CIT: variants seen among roughly 807,000 people sequenced by gnomAD.
CIT encodes the protein citron rho-interacting serine/threonine kinase.
Under a neutral mutation model 272.7 loss-of-function variants are expected in CIT, and 79 were observed. The ratio of observed to expected loss-of-function variants is 0.29; its 90% CI spans 0.24 to 0.35. The LOEUF (loss-of-function observed/expected upper bound fraction) is 0.35, where lower values mean the gene tolerates loss of function less well. Ranked by LOEUF, CIT falls within the 10% of genes least tolerant of loss-of-function variation. The probability of loss-of-function intolerance (pLI) is 1.00; values close to 1 mark genes in which losing one functional copy is unlikely to be tolerated. For missense variants in CIT, 1,909 were observed against 2,618.3 expected (o/e 0.73, Z 5.91); for synonymous variants, 948 against 995.6 (o/e 0.95, Z 0.90).
chr12:119,802,190 C>T (rs769616487), intron 10 of CIT, among the ~76,000 whole-genome samples: 5 of 152,252 alleles, frequency 3.3e-5, no homozygotes, highest in African/African-American at 4.8e-5. Context: ...ACTAACCCAA[C>T]ATTACCCTCT....
chr12:119,733,028 C>T (rs57258814), intron 26 of CIT, among the ~76,000 whole-genome samples: 1,975 of 152,276 alleles, frequency 0.013, 35 homozygotes, highest in African/African-American at 0.045. Context: ...CTGCCATGAG[C>T]TGTGTAAAAC....
chr12:119,746,517 G>A (rs540730389), intron 23 of CIT, among the ~76,000 whole-genome samples: 2 of 152,300 alleles, frequency 1.3e-5, no homozygotes, highest in South Asian at 4.1e-4. Context: ...CATAAGTGGT[G>A]ACCATAAAAA....
In CIT at chr12:119,709,341, C is replaced by T. The variant is rs189909157; in HGVS notation, c.5071+910G>A. Among the ~76,000 whole-genome samples, 17 of 150,994 alleles carry T rather than the reference C, an allele frequency of 1.1e-4. No individual in the cohort carries two copies. The East Asian group carries it at 2.9e-3, about 26-fold the overall frequency. ...GTCAATGTAGGTTCACTGACTCTAACGAACGTATCACTCTGGTGGGGGATG... is the reference window on the plus strand; with the variant it reads ...GTCAATGTAGGTTCACTGACTCTAATGAACGTATCACTCTGGTGGGGGATG... On this transcript the variant is annotated intron_variant, in intron 39 of 47. Coordinates refer to ENST00000392521, the MANE Select transcript of CIT (RefSeq NM_001206999.2).
intron 3 of CIT, among the ~76,000 whole-genome samples, chr12:119,864,337 G>A (rs1373304935): frequency 1.3e-5 from 2 of 151,814 alleles, no homozygotes; most frequent in African/African-American, 4.8e-5. Context: ...TTTGAAGGGG[G>A]TGTTGTTTTG....
At chr12:119,851,815 C>T (rs1004940385) in intron 4 of CIT, among the ~76,000 whole-genome samples, 164 of 152,092 alleles carry the variant, frequency 1.1e-3, no homozygotes, top group African/African-American at 3.9e-3. Context: ...GGCCGGAAGA[C>T]TGCTTGAGGC....
chr12:119,875,384 T>C (rs1033482804), intron 2 of CIT, among the ~76,000 whole-genome samples: 11 of 152,226 alleles, frequency 7.2e-5, no homozygotes, highest in Admixed American at 6.5e-4. Context: ...ATCTCCCTTC[T>C]AAGGCAAGTT....
Position 119,712,811 on chromosome 12 carries a change from A to C in CIT, c.4580-116T>G, listed in dbSNP as rs1169385592. 3 of 777,364 alleles carry C rather than the reference A, an allele frequency of 3.9e-6. No homozygotes were observed. The highest frequency in any genetic ancestry group is 4.3e-6 in the Non-Finnish European group (2 of 467,690). 48.2% of individuals were successfully genotyped at this position (777,364 alleles called of 1,614,324 possible). On this transcript the variant is annotated intron_variant, in intron 35 of 47. Transcript: ENST00000392521. This position sits in a 1 kb window ranked among gnomAD's most constrained non-coding sequence, Gnocchi z 5.2. ...AGAGAGACAGGGTACGTGTGTAAAG[A>C]GAGGCGCACGAGAACAAGGAAGGGA... is the stretch of plus-strand genomic sequence containing the variant.
At chr12:119,834,885 T>C (rs947814810) in intron 5 of CIT, among the ~76,000 whole-genome samples, 4 of 152,172 alleles carry the variant, frequency 2.6e-5, no homozygotes, top group Admixed American at 6.5e-5. Flanking sequence ...GGCTAAAATA[T>C]GACATATGTA....
Position 119,728,749 on chromosome 12 carries a change from A to C in CIT, c.3487-143T>G. ...GTAAAGGTTGCTTTTTTCTAAATACAGAAGTCCCTGTCACTGGTGAGTCTT... is the reference window on the plus strand; with the variant it reads ...GTAAAGGTTGCTTTTTTCTAAATACCGAAGTCCCTGTCACTGGTGAGTCTT... On this transcript the variant is annotated intron_variant, in intron 27 of 47. Transcript: ENST00000392521. The surrounding 1 kb of genome is among the most constrained non-coding windows in gnomAD (Gnocchi z 4.3). The C allele has an allele frequency of 3.3e-6, 2 of 599,630 alleles. No homozygotes were observed. Among genetic ancestry groups the C allele is most frequent in the South Asian group, 2.1e-5 (1 of 48,242 alleles). 37.1% of individuals were successfully genotyped at this position (599,630 alleles called of 1,614,324 possible).
At chr12:119,744,548 T>C (rs1959181095) in intron 23 of CIT, among the ~76,000 whole-genome samples, 2 of 151,698 alleles carry the variant, frequency 1.3e-5, no homozygotes, top group South Asian at 2.1e-4. Flanking sequence ...GGATGGTCTC[T>C]ACTAAAAAAT....
At position 119,761,070 on chromosome 12, in the gene CIT, G is replaced by T; in HGVS notation, c.2305-15C>A. On this transcript the variant is annotated splice_polypyrimidine_tract_variant and intron_variant, in intron 19 of 47. Coordinates refer to ENST00000392521, the MANE Select transcript of CIT (RefSeq NM_001206999.2). ...TTGTCCAACACCTACAAAAACAAAA[G>T]CAGCAGCAAATGTTCTCAGGAGCCA... The T allele has an allele frequency of 6.3e-7, 1 of 1,576,492 alleles. No homozygotes were observed.
At chr12:119,739,205 T>A (rs187195184) in intron 24 of CIT, among the ~76,000 whole-genome samples, 1 of 152,342 alleles carries the variant, frequency 6.6e-6, no homozygotes, top group East Asian at 1.9e-4. Flanking sequence ...GATTGATTCA[T>A]AATTAAAACT....
intron 44 of CIT, among the ~76,000 whole-genome samples, chr12:119,700,368 A>C (rs1956487372): frequency 6.6e-6 from 1 of 151,956 alleles, no homozygotes; most frequent in Non-Finnish European, 1.5e-5. Context: ...AAAAATTTCC[A>C]CTTGCAATTG....
At chr12:119,869,823 C>G (rs1286799965) in intron 2 of CIT, among the ~76,000 whole-genome samples, 1 of 152,170 alleles carries the variant, frequency 6.6e-6, no homozygotes, top group Non-Finnish European at 1.5e-5. Flanking sequence ...AAAATGGAGT[C>G]TCTGGCTTCT....
At chr12:119,737,805 T>C (rs1327799868) in intron 24 of CIT, among the ~76,000 whole-genome samples, 2 of 152,196 alleles carry the variant, frequency 1.3e-5, no homozygotes, top group Non-Finnish European at 2.9e-5. Context: ...TTTTAATTGA[T>C]TTGGACTTTT....
rs1298946913 is a variant in CIT, at chr12:119,714,183, A to G, written c.4306+14T>C. ...CACAGGTGCCCAGCACAGATGCACA[A>G]CTACTGATCTTACCGAGACATTTGG... On this transcript the variant is annotated intron_variant, in intron 33 of 47. Coordinates refer to ENST00000392521, the MANE Select transcript of CIT (RefSeq NM_001206999.2). 6.2e-7 allele frequency: 1 copy of G among 1,613,736 alleles called. No individual in the cohort carries two copies. Among genetic ancestry groups the G allele is most frequent in the East Asian group, 2.2e-5 (1 of 44,890 alleles).
intron 23 of CIT, among the ~76,000 whole-genome samples, chr12:119,749,712 GGTTT>G (rs985551240): frequency 2.0e-5 from 3 of 152,234 alleles, no homozygotes; most frequent in African/African-American, 7.2e-5. Flanking sequence ...AACCAAGGGA[GGTTT>G]GTTTCCTTAT....
rs372321810 is a variant in CIT at position 119,710,502 on chromosome 12, A to T, written c.4935+38T>A. ...TTCTTTCTTGATGGGGTGTGGCTGTAACCAGACACCAGCTGGCCGTGCCCA... is the reference window on the plus strand; with the variant it reads ...TTCTTTCTTGATGGGGTGTGGCTGTTACCAGACACCAGCTGGCCGTGCCCA... On this transcript the variant is annotated intron_variant, in intron 38 of 47. Transcript: ENST00000392521. This position sits in a 1 kb window ranked among gnomAD's most constrained non-coding sequence, Gnocchi z 5.6. 5 of 1,612,732 alleles carry T rather than the reference A, an allele frequency of 3.1e-6. No individual in the cohort carries two copies. Among genetic ancestry groups the T allele is most frequent in the Non-Finnish European group, 4.2e-6 (5 of 1,178,802 alleles).
chr12:119,847,275 C>T (rs1376979982), intron 5 of CIT, among the ~76,000 whole-genome samples: 1 of 152,220 alleles, frequency 6.6e-6, no homozygotes. Flanking sequence ...TAAGCCACCA[C>T]ACCTGGCCCG....
Sources: gnomAD v4.1 joint callset for allele counts (sites outside exome capture counted in the v4.1 genomes callset) on GRCh38, gnomAD v4.1.1 for gene constraint, Gnocchi (gnomAD v3.1) non-coding constraint, MANE v1.5 for transcripts, NCBI Gene and HGNC (gene_info 2026-07-23, HGNC 2026-07-21) for gene names.